Variants in SLC44A5 observed in about 807,000 individuals in gnomAD.
SLC44A5 encodes the protein solute carrier family 44 member 5, also known as choline transporter-like protein 5.
A neutral mutation model predicts 101.8 loss-of-function variants in SLC44A5; 57 were observed. The observed-to-expected ratio is 0.56, with a 90% confidence interval of 0.45 to 0.70. The LOEUF is 0.70. SLC44A5 is among the 30% of genes least tolerant of loss of function. SLC44A5 has a pLI of 0.00. For synonymous variants in SLC44A5, 281 were observed against 290.9 expected (o/e 0.97, Z 0.35); for missense variants, 737 against 853.1 (o/e 0.86, Z 1.70).
chr1:75,305,475 A>C (rs1037439483), intron 4 of SLC44A5, among the ~76,000 whole-genome samples: 2 of 152,244 alleles, frequency 1.3e-5, no homozygotes, highest in Non-Finnish European at 1.5e-5. Context: ...CCTATTTAAT[A>C]GTTTTCAAAT....
At chr1:75,580,846 A>G (rs11802209) in intron 1 of SLC44A5, among the ~76,000 whole-genome samples, 2,547 of 151,582 alleles carry the variant, frequency 0.017, 90 homozygotes, top group African/African-American at 0.059. Context: ...TCAAAAAAAA[A>G]AACAAAGAAA....
intron 2 of SLC44A5, among the ~76,000 whole-genome samples, chr1:75,429,507 T>C (rs367981599): frequency 9.2e-5 from 14 of 152,176 alleles, no homozygotes; most frequent in African/African-American, 2.4e-4. Context: ...CAAAGAATAT[T>C]TGTGGGCATA....
chr1:75,625,419 T>C, the SLC44A5 span, among the ~76,000 whole-genome samples: 1 of 152,138 alleles, frequency 6.6e-6, no homozygotes, highest in Non-Finnish European at 1.5e-5. Context: ...GATTATGCCT[T>C]TCCAGAAGTA....
At chr1:75,383,490 A>T (rs1178201029) in intron 3 of SLC44A5, among the ~76,000 whole-genome samples, 1 of 152,198 alleles carries the variant, frequency 6.6e-6, no homozygotes, top group Non-Finnish European at 1.5e-5. Flanking sequence ...ATGAAGCGAG[A>T]AGGGAAGTTT....
intron 1 of SLC44A5, among the ~76,000 whole-genome samples, chr1:75,560,356 C>G (rs915733101): frequency 6.6e-6 from 1 of 152,004 alleles, no homozygotes; most frequent in Non-Finnish European, 1.5e-5. Flanking sequence ...CACTAAAAGT[C>G]TGAATAAAGT....
the SLC44A5 span, among the ~76,000 whole-genome samples, chr1:75,649,042 A>T: frequency 6.6e-6 from 1 of 152,206 alleles, no homozygotes; most frequent in Non-Finnish European, 1.5e-5. Context: ...TAGCTGGGAA[A>T]CTATTGGGTA....
chr1:75,294,721 AGTTGTG>A, intron 5 of SLC44A5, among the ~76,000 whole-genome samples: 1 of 152,304 alleles, frequency 6.6e-6, no homozygotes, highest in South Asian at 2.1e-4. Flanking sequence ...AATCCTGCCA[AGTTGTG>A]ACAGCATGAG....
chr1:75,235,725 C>T (rs1264207508), intron 11 of SLC44A5, among the ~76,000 whole-genome samples: 1 of 152,036 alleles, frequency 6.6e-6, no homozygotes, highest in African/African-American at 2.4e-5. Flanking sequence ...TAGTTACATG[C>T]ATCTATCTTG....
intron 3 of SLC44A5, among the ~76,000 whole-genome samples, chr1:75,388,645 G>T (rs77857075): frequency 1.3e-5 from 2 of 152,246 alleles, no homozygotes; most frequent in East Asian, 3.9e-4. Flanking sequence ...CAGGCGTGGT[G>T]GCGGGCGCCT....
At chr1:75,618,194 T>G in the SLC44A5 span, among the ~76,000 whole-genome samples, 1 of 152,246 alleles carries the variant, frequency 6.6e-6, no homozygotes, top group Non-Finnish European at 1.5e-5. Flanking sequence ...GAGACTCAAA[T>G]TTAGTTGACT....
intron 4 of SLC44A5, among the ~76,000 whole-genome samples, chr1:75,331,122 T>A (rs1657023875): frequency 6.6e-6 from 1 of 151,986 alleles, no homozygotes; most frequent in South Asian, 2.1e-4. Flanking sequence ...CTCTCCTCCA[T>A]CCTCCTAAGT....
intron 3 of SLC44A5, among the ~76,000 whole-genome samples, chr1:75,359,852 AT>A (rs1659361524): frequency 1.3e-5 from 2 of 152,186 alleles, no homozygotes; most frequent in Non-Finnish European, 2.9e-5. Flanking sequence ...CATATTTTCA[AT>A]AATAGCCAAC....
the SLC44A5 span, among the ~76,000 whole-genome samples, chr1:75,692,649 T>C: frequency 2.0e-5 from 3 of 152,182 alleles, no homozygotes; most frequent in African/African-American, 7.2e-5. Flanking sequence ...GTCCTCTTCT[T>C]ATTGCTTCTG....
intron 2 of SLC44A5, among the ~76,000 whole-genome samples, chr1:75,449,685 G>C (rs1665786050): frequency 6.6e-6 from 1 of 152,086 alleles, no homozygotes; most frequent in Non-Finnish European, 1.5e-5. Context: ...CCCCAAGATA[G>C]AGGATAAGAG....
At chr1:75,582,141 T>C in intron 1 of SLC44A5, 1 of 754,696 alleles carries the variant, frequency 1.3e-6, no homozygotes, top group South Asian at 1.4e-5. Context: ...GTCCCGAATA[T>C]GGCACAGAAA....
the SLC44A5 span, chr1:75,642,203 C>A: frequency 8.6e-6 from 5 of 584,170 alleles, no homozygotes; most frequent in African/African-American, 9.4e-5. Context: ...AGGTCTGTGA[C>A]AGCTTGTTTC....
intron 3 of SLC44A5, among the ~76,000 whole-genome samples, chr1:75,372,552 TC>T (rs1215575834): frequency 1.3e-5 from 2 of 152,206 alleles, no homozygotes; most frequent in Non-Finnish European, 2.9e-5. Flanking sequence ...GTGAATTTTT[TC>T]TTTGTAAAAG....
In SLC44A5 at chr1:75,560,522, C is replaced by A. The variant is rs2779492; in HGVS notation, c.-69-19006G>T. Among the ~76,000 whole-genome samples the A allele has an allele frequency of 3.8e-3, 577 of 152,194 alleles. 5 individuals carry two copies. The highest frequency in any genetic ancestry group is 0.013 in the African/African-American group (547 of 41,534). The stretch of plus-strand genomic sequence containing the variant: ...AAATTATATTCTGGTGATAGTTGCA[C>A]AACTCTGTGAATATCATAAAAGAAA... On this transcript the variant is annotated intron_variant, in intron 1 of 23. Coordinates refer to ENST00000370859, the MANE Select transcript of SLC44A5 (RefSeq NM_001130058.2).
chr1:75,718,629 G>A, the SLC44A5 span, among the ~76,000 whole-genome samples: 1 of 152,204 alleles, frequency 6.6e-6, no homozygotes, highest in African/African-American at 2.4e-5. Flanking sequence ...AGTGCAAAGA[G>A]GATATACTCA....
Sources: gnomAD v4.1 joint callset for allele counts (sites outside exome capture counted in the v4.1 genomes callset) on GRCh38, gnomAD v4.1.1 for gene constraint, MANE v1.5 for transcripts, NCBI Gene and HGNC (gene_info 2026-07-23, HGNC 2026-07-21) for gene names.